Variants in REC114 observed in about 807,000 individuals in gnomAD.
REC114 encodes the protein meiotic recombination protein REC114.
REC114 carries 27 observed loss-of-function variants against 31.3 expected under a neutral mutation model. The observed-to-expected ratio is 0.86, with a 90% confidence interval of 0.64 to 1.19. REC114 has a LOEUF of 1.19. Ranked by LOEUF, REC114 falls within the 50% of genes most tolerant of loss-of-function variation. REC114 has a pLI of 0.00. For missense variants in REC114, 344 were observed against 326.9 expected, an observed-to-expected ratio of 1.05 and a Z score of -0.40; for synonymous variants, 134 against 127.7, an observed-to-expected ratio of 1.05 and a Z score of -0.33.
At chr15:73,554,469 T>G (rs1347454326) in intron 4 of REC114, among the ~76,000 whole-genome samples, 1 of 152,238 alleles carries the variant, frequency 6.6e-6, no homozygotes, top group Non-Finnish European at 1.5e-5. Context: ...ATAGAGATAA[T>G]TCTATTTCAA....
intron 4 of REC114, 115 bp downstream of exon 4, chr15:73,551,265 CTA>C: frequency 5.7e-6 from 6 of 1,052,080 alleles, no homozygotes; most frequent in Non-Finnish European, 6.9e-6. Context: ...TAAAAAACAT[CTA>C]TGTTCGGTGA....
At chr15:73,488,831 C>T (rs1893407988) in intron 2 of REC114, among the ~76,000 whole-genome samples, 1 of 152,106 alleles carries the variant, frequency 6.6e-6, no homozygotes, top group African/African-American at 2.4e-5. Context: ...GGGCCTTTTC[C>T]AGCATTCACT....
intron 1 of REC114, among the ~76,000 whole-genome samples, chr15:73,471,398 T>C (rs1893130529): frequency 6.6e-6 from 1 of 152,308 alleles, no homozygotes. Flanking sequence ...TATAGAAACC[T>C]GAAAAAGAAG....
intron 2 of REC114, among the ~76,000 whole-genome samples, chr15:73,529,770 C>T (rs183593602): frequency 1.7e-3 from 256 of 152,264 alleles, no homozygotes; most frequent in Non-Finnish European, 2.6e-3. Context: ...ATGGAACTTA[C>T]CACATTGATT....
chr15:73,453,123 A>G (rs1892872617), intron 1 of REC114, among the ~76,000 whole-genome samples: 1 of 152,234 alleles, frequency 6.6e-6, no homozygotes, highest in Non-Finnish European at 1.5e-5. Context: ...AAAAGCCAAA[A>G]TTGACAAATG....
intron 2 of REC114, among the ~76,000 whole-genome samples, chr15:73,531,979 ACT>A (rs1350968602): frequency 9.8e-6 from 1 of 102,044 alleles, no homozygotes; most frequent in Non-Finnish European, 2.1e-5. Flanking sequence ...AGAGTTCTCC[ACT>A]CTTTTTTTTT....
At chr15:73,508,381 C>T (rs1195916866) in intron 2 of REC114, among the ~76,000 whole-genome samples, 1 of 150,790 alleles carries the variant, frequency 6.6e-6, no homozygotes, top group Non-Finnish European at 1.5e-5. Context: ...TCTTCATCTG[C>T]CAGTATATAT....
chr15:73,532,212 C>T (rs933082062), intron 2 of REC114, among the ~76,000 whole-genome samples: 11 of 151,112 alleles, frequency 7.3e-5, no homozygotes, highest in Non-Finnish European at 1.6e-4. Context: ...TCAGTTCCCA[C>T]CTATGAGTGA....
At chr15:73,495,235 TTTTTC>T (rs1893502521) in intron 2 of REC114, among the ~76,000 whole-genome samples, 2 of 152,208 alleles carry the variant, frequency 1.3e-5, no homozygotes, top group African/African-American at 4.8e-5. Flanking sequence ...CCACCCTTCT[TTTTTC>T]ATTTCCTAGC....
At chr15:73,528,810 C>T (rs1475212666) in intron 2 of REC114, among the ~76,000 whole-genome samples, 9 of 152,260 alleles carry the variant, frequency 5.9e-5, no homozygotes, top group Non-Finnish European at 7.4e-5. Flanking sequence ...AATATTTACT[C>T]ACTGGCCCTT....
chr15:73,527,883 G>A (rs1205403092), intron 2 of REC114, among the ~76,000 whole-genome samples: 9 of 151,670 alleles, frequency 5.9e-5, no homozygotes, highest in East Asian at 3.9e-4. Context: ...TTATCTATAC[G>A]GGGGGGAAAA....
chr15:73,525,638 G>GT (rs1294636708), intron 2 of REC114, among the ~76,000 whole-genome samples: 1 of 151,646 alleles, frequency 6.6e-6, no homozygotes, highest in African/African-American at 2.4e-5. Context: ...AGATTTTCCA[G>GT]TTATCTTTAT....
At chr15:73,551,574 A>G (rs990617201) in intron 4 of REC114, among the ~76,000 whole-genome samples, 1 of 152,350 alleles carries the variant, frequency 6.6e-6, no homozygotes, top group Admixed American at 6.5e-5. Flanking sequence ...AACTGTACTA[A>G]TAGTCATCAT....
At chr15:73,556,499 A>G in intron 5 of REC114, 108 bp downstream of exon 5, 1 of 918,192 alleles carries the variant, frequency 1.1e-6, no homozygotes, top group Non-Finnish European at 1.6e-6. Context: ...CTTCTAAAGC[A>G]TTACTCTAAA....
intron 1 of REC114, among the ~76,000 whole-genome samples, chr15:73,443,760 C>T (rs573379415): frequency 2.8e-4 from 43 of 152,262 alleles, no homozygotes; most frequent in African/African-American, 9.9e-4. Flanking sequence ...CTGAGTCATC[C>T]CGTAACCAAG....
intron 1 of REC114, among the ~76,000 whole-genome samples, chr15:73,444,525 G>A (rs1892741575): frequency 1.3e-5 from 2 of 152,158 alleles, no homozygotes; most frequent in Admixed American, 1.3e-4. Flanking sequence ...TAAAATTATA[G>A]CAATTCAGTC....
At chr15:73,519,161 C>G (rs1567885707) in intron 2 of REC114, among the ~76,000 whole-genome samples, 1 of 152,184 alleles carries the variant, frequency 6.6e-6, no homozygotes, top group East Asian at 1.9e-4. Flanking sequence ...ACCTAATCCT[C>G]AATGGAATAG....
chr15:73,537,960 T>C (rs902892029), intron 2 of REC114, among the ~76,000 whole-genome samples: 2 of 152,228 alleles, frequency 1.3e-5, no homozygotes, highest in African/African-American at 4.8e-5. Flanking sequence ...TGGACATTGT[T>C]ATGTAGCTTG....
At position 73,559,766 on chromosome 15, in the gene REC114, G is replaced by T. The variant is rs550261967; in HGVS notation, c.651G>T (p.Ser217=). ...TATCCCTGCAGACTCTTCTGGCATC[G>T]GAGGAGCTGCCCCATGTCTATGAAC... is the stretch of plus-strand genomic sequence containing the variant. ...LTQLAQTLLA[S]EELPHVYEQS... is the part of the protein sequence containing the mutation. Residue 217 remains serine (S), a synonymous_variant, in exon 6 of 6, where the codon TCG becomes TCT. Coordinates refer to ENST00000331090, the MANE Select transcript of REC114 (RefSeq NM_001042367.2). 31 of 1,569,782 alleles carry T rather than the reference G, an allele frequency of 2.0e-5. No homozygotes were observed. The East Asian group carries it at 2.6e-4, about 13-fold the overall frequency.
Sources: gnomAD v4.1 joint callset for allele counts (sites outside exome capture counted in the v4.1 genomes callset) on GRCh38, gnomAD v4.1.1 for gene constraint, MANE v1.5 for transcripts, NCBI Gene and HGNC (gene_info 2026-07-23, HGNC 2026-07-21) for gene names.